Variants in RHBDD1 observed in about 807,000 individuals in gnomAD.
RHBDD1 encodes the protein rhomboid domain containing 1.
RHBDD1 carries 38 observed loss-of-function variants against 36.3 expected under a neutral mutation model. That is an observed-to-expected ratio of 1.05 (90% CI 0.81 to 1.37). The LOEUF is 1.37. Ranked by LOEUF, RHBDD1 falls within the 40% of genes most tolerant of loss-of-function variation. The pLI is 0.00. For missense variants in RHBDD1, 393 were observed against 377.6 expected (o/e 1.04, Z -0.34); for synonymous variants, 151 against 136.5 (o/e 1.11, Z -0.74).
chr2:226,825,353 G>T, the RHBDD1 span, among the ~76,000 whole-genome samples: 1 of 152,026 alleles, frequency 6.6e-6, no homozygotes, highest in Admixed American at 6.6e-5. Flanking sequence ...CCTTATTTAA[G>T]ATTTACTATT....
intron 5 of RHBDD1, among the ~76,000 whole-genome samples, chr2:226,868,049 A>G (rs546948490): frequency 4.6e-5 from 7 of 152,140 alleles, no homozygotes; most frequent in African/African-American, 7.2e-5. Flanking sequence ...TTAGCTGTCA[A>G]TTGTCTTGGT....
intron 5 of RHBDD1, among the ~76,000 whole-genome samples, chr2:226,892,583 A>G (rs570729551): frequency 4.6e-5 from 7 of 152,350 alleles, no homozygotes; most frequent in African/African-American, 1.7e-4. Flanking sequence ...TCAAAGCTAT[A>G]CTTAATTCTT....
At position 226,864,553 on chromosome 2, in the gene RHBDD1, A is replaced by G. The variant is rs183962208; in HGVS notation, c.-90-51A>G. On this transcript the variant is annotated intron_variant, in intron 3 of 8. Coordinates refer to ENST00000392062, the MANE Select transcript of RHBDD1 (RefSeq NM_001167608.3). The stretch of plus-strand genomic sequence containing the variant: ...TTGTCTTGAAGCGAGTATGTCTTAT[A>G]TATGTACTAATTCTTAATTGATGGT... 3.1e-4 allele frequency: 212 copies of G among 691,650 alleles called. 1 individual carries two copies. In the African/African-American group the frequency reaches 3.5e-3, roughly 11 times the overall value. The allele number at this position is 691,650 out of a possible 1,614,324, so 42.8% of individuals were successfully genotyped here. A position where few individuals can be genotyped will look rare whatever the true frequency, so the allele number is the denominator to read the frequency against.
the RHBDD1 span, among the ~76,000 whole-genome samples, chr2:226,807,004 C>CT: frequency 6.6e-6 from 1 of 152,018 alleles, no homozygotes; most frequent in Non-Finnish European, 1.5e-5. Flanking sequence ...TTTTTCACTG[C>CT]TTTTTTTTCT....
At chr2:226,909,716 G>T (rs1948378106) in intron 7 of RHBDD1, among the ~76,000 whole-genome samples, 1 of 152,114 alleles carries the variant, frequency 6.6e-6, no homozygotes. Flanking sequence ...TCAGCAGTCT[G>T]CAACCTGGAA....
At chr2:226,931,961 TG>T (rs1950057162) in intron 8 of RHBDD1, among the ~76,000 whole-genome samples, 2 of 152,146 alleles carry the variant, frequency 1.3e-5, no homozygotes, top group South Asian at 4.1e-4. Context: ...TCCATGAATA[TG>T]GTATATTTCT....
chr2:226,903,481 A>G (rs1333981949), intron 5 of RHBDD1, among the ~76,000 whole-genome samples: 1 of 152,176 alleles, frequency 6.6e-6, no homozygotes, highest in Non-Finnish European at 1.5e-5. Context: ...AAGGTTCAGT[A>G]CTATCTGTGG....
chr2:226,812,413 G>A, the RHBDD1 span, among the ~76,000 whole-genome samples: 1 of 152,188 alleles, frequency 6.6e-6, no homozygotes, highest in Non-Finnish European at 1.5e-5. Flanking sequence ...TTCTACAGTA[G>A]TAATCTTAAA....
chr2:226,931,045 T>A (rs1430288014), intron 8 of RHBDD1, among the ~76,000 whole-genome samples: 2 of 152,082 alleles, frequency 1.3e-5, no homozygotes, highest in Non-Finnish European at 2.9e-5. Flanking sequence ...ATGGTAGGAA[T>A]GTAAATTAGT....
intron 5 of RHBDD1, among the ~76,000 whole-genome samples, chr2:226,904,366 C>G (rs560798408): frequency 6.1e-5 from 9 of 146,358 alleles, no homozygotes; most frequent in African/African-American, 2.3e-4. Context: ...TTTAAGCATG[C>G]ACGGTCACCA....
chr2:226,863,317 C>T (rs1236157629), intron 3 of RHBDD1, among the ~76,000 whole-genome samples: 1 of 152,188 alleles, frequency 6.6e-6, no homozygotes, highest in Non-Finnish European at 1.5e-5. Context: ...CCAGCCTGGG[C>T]TACAGAGTGA....
the RHBDD1 span, among the ~76,000 whole-genome samples, chr2:226,812,146 G>A: frequency 1.3e-5 from 2 of 152,228 alleles, no homozygotes; most frequent in African/African-American, 4.8e-5. Context: ...AGATTCAATT[G>A]AGAAGGGGAA....
intron 3 of RHBDD1, among the ~76,000 whole-genome samples, chr2:226,853,725 G>A (rs183675101): frequency 2.6e-5 from 4 of 152,182 alleles, no homozygotes; most frequent in African/African-American, 7.2e-5. Context: ...ATTTACTTTC[G>A]TCCCCTCTTG....
At chr2:226,932,866 A>G (rs1252430482) in intron 8 of RHBDD1, among the ~76,000 whole-genome samples, 1 of 152,028 alleles carries the variant, frequency 6.6e-6, no homozygotes. Context: ...CCCAAGGGAA[A>G]TGGTGGTTCT....
the RHBDD1 span, among the ~76,000 whole-genome samples, chr2:226,829,454 TAAGAAG>T: frequency 6.6e-6 from 1 of 152,214 alleles, no homozygotes; most frequent in African/African-American, 2.4e-5. Context: ...TAGGTTAATT[TAAGAAG>T]GAGTGTCATT....
chr2:226,809,876 C>T, the RHBDD1 span, among the ~76,000 whole-genome samples: 1 of 152,098 alleles, frequency 6.6e-6, no homozygotes, highest in Non-Finnish European at 1.5e-5. Context: ...AATACCAACA[C>T]CTAGTTTTAA....
intron 8 of RHBDD1, among the ~76,000 whole-genome samples, chr2:226,942,793 ATT>A (rs1249336348): frequency 2.0e-5 from 3 of 152,120 alleles, no homozygotes; most frequent in African/African-American, 7.2e-5. Flanking sequence ...ATAGAACTTA[ATT>A]TGTCTTTAAT....
intron 7 of RHBDD1, among the ~76,000 whole-genome samples, chr2:226,911,431 C>T (rs1276822007): frequency 6.6e-6 from 1 of 151,888 alleles, no homozygotes; most frequent in Non-Finnish European, 1.5e-5. Flanking sequence ...TATTCAGTGA[C>T]GTCTCTATAA....
Position 226,915,644 on chromosome 2 carries a change from C to T in RHBDD1, c.856+1293C>T, listed in dbSNP as rs189247604. 3.8e-4 allele frequency among the ~76,000 whole-genome samples: 58 copies of T among 152,184 alleles called. 1 individual carries two copies. The highest frequency in any genetic ancestry group is 1.4e-3 in the African/African-American group (57 of 41,510). On this transcript the variant is annotated intron_variant, in intron 8 of 8. Transcript: ENST00000392062. ...AATTTCTGACTTTAAGGAATATAGTCTTAGTAGCAACAGTGTGCATGGAGG... is the reference window on the plus strand; with the variant it reads ...AATTTCTGACTTTAAGGAATATAGTTTTAGTAGCAACAGTGTGCATGGAGG...
Sources: allele counts gnomAD v4.1 joint callset (sites outside exome capture counted in the v4.1 genomes callset), GRCh38; gene constraint gnomAD v4.1.1; transcripts MANE v1.5; gene names NCBI Gene and HGNC (gene_info 2026-07-23, HGNC 2026-07-21).